The following GRAMD1B variants were observed in gnomAD, a reference collection of about 807,000 sequenced individuals.
GRAMD1B encodes the protein GRAM domain containing 1B, also known as protein Aster-B.
GRAMD1B carries 37 observed loss-of-function variants against 99.7 expected under a neutral mutation model. That is an observed-to-expected ratio of 0.37 (90% CI 0.29 to 0.49). The LOEUF is 0.49. Among genes scored for constraint, GRAMD1B ranks in the 20% least tolerant of loss-of-function variants. The probability of loss-of-function intolerance (pLI) is 0.98; values close to 1 mark genes in which losing one functional copy is unlikely to be tolerated. For synonymous variants in GRAMD1B, 427 were observed against 387.6 expected, an observed-to-expected ratio of 1.10 and a Z score of -1.19; for missense variants, 888 against 1,009.2, an observed-to-expected ratio of 0.88 and a Z score of 1.63.
rs1179967115 is a variant in GRAMD1B, at chr11:123,591,326, G to A, written c.685-2756G>A. The A allele has an allele frequency of 3.5e-5, 14 of 398,178 alleles. No homozygotes were observed. The South Asian group carries it at 4.1e-4, about 12-fold the overall frequency. 24.7% of individuals were successfully genotyped at this position (398,178 alleles called of 1,614,324 possible). A position where few individuals can be genotyped will look rare whatever the true frequency, so the allele number is the denominator to read the frequency against. Reference sequence around the variant, plus strand: ...CCAGGGGAGACCAGTTGTTTTCATCGTGTGGGGACAGTCGGGAGTCAGTGC... The same window carrying A: ...CCAGGGGAGACCAGTTGTTTTCATCATGTGGGGACAGTCGGGAGTCAGTGC... On this transcript the variant is annotated intron_variant, in intron 4 of 19. Transcript: ENST00000635736. The surrounding 1 kb of genome is among the most constrained non-coding windows in gnomAD (Gnocchi z 4.7).
chr11:123,359,134 TAG>T (rs1165895798), intron 1 of GRAMD1B, among the ~76,000 whole-genome samples: 1 of 151,982 alleles, frequency 6.6e-6, no homozygotes, highest in Non-Finnish European at 1.5e-5. Context: ...ACAGAACAGG[TAG>T]AGAGGACAGG....
intron 2 of GRAMD1B, among the ~76,000 whole-genome samples, chr11:123,519,332 C>T (rs1941972670): frequency 1.3e-5 from 2 of 152,162 alleles, no homozygotes; most frequent in Non-Finnish European, 2.9e-5. Flanking sequence ...TGGTGGGGAG[C>T]ACCTGATCGG....
At chr11:123,548,929 G>A (rs1945332723) in intron 2 of GRAMD1B, among the ~76,000 whole-genome samples, 1 of 152,210 alleles carries the variant, frequency 6.6e-6, no homozygotes, top group South Asian at 2.1e-4. Flanking sequence ...CTTTAATGAG[G>A]ATTGGTTTAG....
At chr11:123,441,808 G>A (rs1949420186) in intron 1 of GRAMD1B, among the ~76,000 whole-genome samples, 1 of 151,390 alleles carries the variant, frequency 6.6e-6, no homozygotes, top group African/African-American at 2.4e-5. Flanking sequence ...AAGAGAGAGA[G>A]AAAAAAAAGT....
intron 2 of GRAMD1B, among the ~76,000 whole-genome samples, chr11:123,523,215 C>G (rs1942368552): frequency 6.6e-6 from 1 of 152,088 alleles, no homozygotes; most frequent in Non-Finnish European, 1.5e-5. Flanking sequence ...GCCTGTAATC[C>G]CAGCTACTCG....
intron 2 of GRAMD1B, among the ~76,000 whole-genome samples, chr11:123,497,409 A>G (rs1939408103): frequency 6.6e-6 from 1 of 152,152 alleles, no homozygotes; most frequent in Admixed American, 6.6e-5. Flanking sequence ...GCCTGCTGTA[A>G]CCATGACCTG....
rs113677613 is a variant in GRAMD1B at position 123,383,789 on chromosome 11, AAT to A, written c.-176+25007_-176+25008del. On this transcript the variant is annotated intron_variant, in intron 1 of 20. Transcript: ENST00000638157. ...TATTTTGGCTATTGTTCCCTTCATG[AAT>A]ATATATATATATATATGAATATATA... Among the ~76,000 whole-genome samples, 376 of 146,682 alleles carry A rather than the reference AAT, an allele frequency of 2.6e-3. 1 individual carries two copies. Among genetic ancestry groups the A allele is most frequent in the African/African-American group, 3.3e-3 (133 of 40,296 alleles).
At chr11:123,405,372 C>G (rs893132514) in intron 1 of GRAMD1B, among the ~76,000 whole-genome samples, 1 of 152,166 alleles carries the variant, frequency 6.6e-6, no homozygotes, top group Non-Finnish European at 1.5e-5. Flanking sequence ...CATCCTCCCC[C>G]CTCGAAGGCT....
chr11:123,626,703 A>G lies in GRAMD1B; in HGVS notation c.*4108A>G, dbSNP rs1234891603. On this transcript the variant is annotated 3_prime_UTR_variant, in exon 20 of 20. Transcript: ENST00000635736. The stretch of plus-strand genomic sequence containing the variant: ...CACCTTCGCCACTTGTCTCTAGGCT[A>G]TGGGACAATCATCCCATTCACCACT... The G allele has an allele frequency of 2.6e-5, 4 of 152,300 alleles. No homozygotes were observed. The highest frequency in any genetic ancestry group is 1.5e-5 in the Non-Finnish European group (1 of 68,142). The allele number at this position is 152,300 out of a possible 1,614,324, so 9.4% of individuals were successfully genotyped here. A position where few individuals can be genotyped will look rare whatever the true frequency, so the allele number is the denominator to read the frequency against.
At chr11:123,585,095 C>A (rs1427064670) in intron 4 of GRAMD1B, among the ~76,000 whole-genome samples, 2 of 152,232 alleles carry the variant, frequency 1.3e-5, no homozygotes, top group African/African-American at 4.8e-5. Flanking sequence ...CCTCAGATGA[C>A]CCTCTTTGCC....
chr11:123,598,412 G>T, intron 7 of GRAMD1B: 1 of 941,194 alleles, frequency 1.1e-6, no homozygotes. Flanking sequence ...TTGCTTGCTC[G>T]CGTTGTACAT....
chr11:123,513,499 CCTCT>C (rs768277202), intron 2 of GRAMD1B, among the ~76,000 whole-genome samples: 1 of 148,476 alleles, frequency 6.7e-6, no homozygotes, highest in Non-Finnish European at 1.5e-5. Context: ...TTTCTTTCTC[CCTCT>C]CTCTTTCTTT....
intron 1 of GRAMD1B, among the ~76,000 whole-genome samples, chr11:123,476,664 T>G (rs940260389): frequency 1.3e-5 from 2 of 152,244 alleles, no homozygotes. Context: ...AATATTTGTA[T>G]GTCTTAGACT....
chr11:123,399,696 G>A lies in GRAMD1B; in HGVS notation c.-176+40897G>A, dbSNP rs570254847. Among the ~76,000 whole-genome samples, 9 of 152,120 alleles carry A rather than the reference G, an allele frequency of 5.9e-5. No homozygotes were observed. In the South Asian group the frequency reaches 1.7e-3, roughly 28 times the overall value. On this transcript the variant is annotated intron_variant, in intron 1 of 20. Coordinates refer to the GRAMD1B transcript ENST00000638157. ...ATGATCTCGGCTCACTGCAACCTCC[G>A]TCTCCCGAGTTCAAGCAATTCTCCT...
chr11:123,374,294 G>C (rs1449095162), intron 1 of GRAMD1B, among the ~76,000 whole-genome samples: 1 of 152,158 alleles, frequency 6.6e-6, no homozygotes, highest in East Asian at 1.9e-4. Flanking sequence ...CCATTTTGCT[G>C]TTGAGTCTTG....
At position 123,430,988 on chromosome 11, in the gene GRAMD1B, G is replaced by T. The variant is rs1050924217; in HGVS notation, c.196G>T (p.Ala66Ser). The change falls in exon 1 of 20, where the codon GCC (alanine) becomes TCC (serine). Residue 66 changes from alanine (A) to serine (S), a missense_variant. Physicochemically the swap from Ala to Ser is moderately conservative, Grantham distance 99. Around this residue, in one of 5 missense-constraint regions of GRAMD1B, gnomAD observed 233 missense variants for 154.6 expected, o/e 1.51. Transcript: ENST00000635736. ...LEAGLARDLP[A>S]VLAPGKEFLQ... is the part of the protein sequence containing the mutation. ...GGCCGGGCTGGCCCGGGACCTGCCC[G>T]CCGTCTTGGCCCCCGGCAAGGAGTT... 4.3e-6 allele frequency: 3 copies of T among 702,766 alleles called. No homozygotes were observed. The highest frequency in any genetic ancestry group is 3.5e-5 in the African/African-American group (2 of 57,272). 43.5% of individuals were successfully genotyped at this position (702,766 alleles called of 1,614,324 possible).
In GRAMD1B at chr11:123,620,472, CAA is replaced by C. The variant is rs55787871; in HGVS notation, c.2544+1271_2544+1272del. 6.2e-4 allele frequency among the ~76,000 whole-genome samples: 43 copies of C among 69,228 alleles called. No individual in the cohort carries two copies. In the South Asian group the frequency reaches 0.014, roughly 22 times the overall value. The allele number at this position is 69,228 out of a possible 152,430, so 45.4% of individuals were successfully genotyped here. On this transcript the variant is annotated intron_variant, in intron 19 of 19. Transcript: ENST00000635736. ...CTGGCAACAGAGTGAGACTTCATCT[CAA>C]AAAAAAAAAAAAAAAAAAAAAAGGG...
chr11:123,606,863 T>C, intron 11 of GRAMD1B, 65 bp downstream of exon 11: 2 of 1,227,674 alleles, frequency 1.6e-6, no homozygotes, highest in Non-Finnish European at 2.4e-6. Context: ...AGGAGATCTC[T>C]ATGTGGGGAC....
chr11:123,476,226 G>A (rs199986328), intron 1 of GRAMD1B, among the ~76,000 whole-genome samples: 3 of 151,904 alleles, frequency 2.0e-5, no homozygotes, highest in South Asian at 4.2e-4. Context: ...TCAACTTCCC[G>A]AGTAGCTGGG....
Sources: allele counts gnomAD v4.1 joint callset (sites outside exome capture counted in the v4.1 genomes callset), GRCh38; gene constraint gnomAD v4.1.1; regional missense constraint gnomAD v4.1.1; non-coding constraint Gnocchi (gnomAD v3.1); transcripts MANE v1.5; gene names NCBI Gene and HGNC (gene_info 2026-07-23, HGNC 2026-07-21).